MAFK: variants seen among roughly 807,000 people sequenced by gnomAD.
The protein encoded by MAFK is MAF bZIP transcription factor K, also known as transcription factor MafK.
A neutral mutation model predicts 9.2 loss-of-function variants in MAFK; 1 was observed. The ratio of observed to expected loss-of-function variants is 0.11; its 90% CI spans 0.04 to 0.52. The LOEUF is 0.52. Ranked by LOEUF, MAFK falls within the 20% of genes least tolerant of loss-of-function variation. The probability of loss-of-function intolerance (pLI) is 0.94; values close to 1 mark genes in which losing one functional copy is unlikely to be tolerated. For missense variants in MAFK, 207 were observed against 236.0 expected, an observed-to-expected ratio of 0.88 and a Z score of 0.81; for synonymous variants, 110 against 107.4, an observed-to-expected ratio of 1.02 and a Z score of -0.15.
At position 1,534,247 on chromosome 7, in the gene MAFK, G is replaced by C. The variant is rs1402849767; in HGVS notation, c.-45+3349G>C. 1 of 455,738 alleles carries C rather than the reference G, an allele frequency of 2.2e-6. No homozygotes were observed. The highest frequency in any genetic ancestry group is 2.3e-5 in the Admixed American group (1 of 42,556). 28.2% of individuals were successfully genotyped at this position (455,738 alleles called of 1,614,324 possible). A position where few individuals can be genotyped will look rare whatever the true frequency, so the allele number is the denominator to read the frequency against. ...GCAGTGTAGGACCTCATCCTCAGTA[G>C]GAAGGGTGTCTGGCTGGTCTCTGGG... On this transcript the variant is annotated intron_variant, in intron 1 of 2. Coordinates refer to ENST00000343242, the MANE Select transcript of MAFK (RefSeq NM_002360.4). This position sits in a 1 kb window ranked among gnomAD's most constrained non-coding sequence, Gnocchi z 4.3.
At chr7:1,535,635 G>A (rs1282741254) in intron 1 of MAFK, among the ~76,000 whole-genome samples, 1 of 152,254 alleles carries the variant, frequency 6.6e-6, no homozygotes, top group Non-Finnish European at 1.5e-5. Flanking sequence ...GGGTGACAGA[G>A]TGACACCTTG....
chr7:1,542,834 T>A lies in MAFK; in HGVS notation c.*2459T>A, dbSNP rs1784230289. On this transcript the variant is annotated 3_prime_UTR_variant, in exon 3 of 3. Transcript: ENST00000343242. ...GCCGCCACACCGCCTCACCCTGGCT[T>A]CTGTGCTACTTGGCAGTTCCATTTC... 6.6e-6 allele frequency: 1 copy of A among 152,658 alleles called. No individual in the cohort carries two copies. The highest frequency in any genetic ancestry group is 6.5e-5 in the Admixed American group (1 of 15,286). The allele number at this position is 152,658 out of a possible 1,614,324, so 9.5% of individuals were successfully genotyped here.
rs1157211761 is a variant in MAFK at position 1,540,267 on chromosome 7, G to A, written c.363G>A (p.Val121=). ...YEALQTFART[V]ARGPVAPSKV... is the part of the protein sequence containing the mutation. ...CGCTGCAGACCTTCGCGCGCACCGT[G>A]GCCCGGGGACCTGTGGCGCCCTCCA... Residue 121 remains valine (V), a synonymous_variant, in exon 3 of 3, where the codon GTG becomes GTA. Transcript: ENST00000343242. 6.2e-7 allele frequency: 1 copy of A among 1,611,302 alleles called. No individual in the cohort carries two copies.
intron 1 of MAFK, among the ~76,000 whole-genome samples, chr7:1,531,392 C>T (rs749084597): frequency 2.0e-5 from 3 of 152,270 alleles, no homozygotes; most frequent in South Asian, 2.1e-4. Context: ...CTCCCGGTGA[C>T]GGGCGGCGCT....
intron 2 of MAFK, among the ~76,000 whole-genome samples, chr7:1,539,682 G>A (rs1056905394): frequency 1.3e-5 from 2 of 152,220 alleles, no homozygotes; most frequent in Admixed American, 6.5e-5. Context: ...GGTCCTCATG[G>A]GCTCTGAGGC....
In MAFK at chr7:1,537,249, G is replaced by T. The variant is rs907531783; in HGVS notation, c.-44-1900G>T. 6 of 384,240 alleles carry T rather than the reference G, an allele frequency of 1.6e-5. No individual in the cohort carries two copies. The South Asian group carries it at 3.2e-4, about 20-fold the overall frequency. The allele number at this position is 384,240 out of a possible 1,614,324, so 23.8% of individuals were successfully genotyped here. On this transcript the variant is annotated intron_variant, in intron 1 of 2. Transcript: ENST00000343242. ...CCTGTCCCCCGGACCTTCCTTTTCCGCCCGGCTGTGCTGCCACGGCGGGCA... is the reference window on the plus strand; with the variant it reads ...CCTGTCCCCCGGACCTTCCTTTTCCTCCCGGCTGTGCTGCCACGGCGGGCA...
chr7:1,539,015 G>T lies in MAFK; in HGVS notation c.-44-134G>T, dbSNP rs1784107974. On this transcript the variant is annotated intron_variant, in intron 1 of 2. Coordinates refer to ENST00000343242, the MANE Select transcript of MAFK (RefSeq NM_002360.4). ...TCAGGACGGGCTGGGCCCGGATGGT[G>T]CCCCGTCTTGTTTTCATGGTGCTGT... is the stretch of plus-strand genomic sequence containing the variant. 6.2e-5 allele frequency: 44 copies of T among 707,692 alleles called. 1 individual carries two copies. The South Asian group carries it at 7.3e-4, about 12-fold the overall frequency. The allele number at this position is 707,692 out of a possible 1,614,324, so 43.8% of individuals were successfully genotyped here.
Position 1,530,847 on chromosome 7 carries a change from GCGCGTGCCCGCGAGGAGCCGC to G in MAFK, c.-91_-71del, listed in dbSNP as rs1312679319. 1 of 147,140 alleles carries G rather than the reference GCGCGTGCCCGCGAGGAGCCGC, an allele frequency of 6.8e-6. No individual in the cohort carries two copies. Among genetic ancestry groups the G allele is most frequent in the African/African-American group, 2.5e-5 (1 of 40,742 alleles). 9.1% of individuals were successfully genotyped at this position (147,140 alleles called of 1,614,324 possible). A position where few individuals can be genotyped will look rare whatever the true frequency, so the allele number is the denominator to read the frequency against. ...GACAGTGAGCGCCGGCGCGAGGACA[GCGCGTGCCCGCGAGGAGCCGC>G]CGCGCGCCCGCGCCCTCCGCGCGAC... On this transcript the variant is annotated 5_prime_UTR_variant, in exon 1 of 3. Coordinates refer to ENST00000343242, the MANE Select transcript of MAFK (RefSeq NM_002360.4).
chr7:1,531,929 C>T (rs1783917072), intron 1 of MAFK, among the ~76,000 whole-genome samples: 1 of 152,248 alleles, frequency 6.6e-6, no homozygotes, highest in African/African-American at 2.4e-5. Context: ...TCTTAAGTAG[C>T]TCTTGTAGCT....
chr7:1,536,164 A>G (rs899692876), intron 1 of MAFK, among the ~76,000 whole-genome samples: 9 of 152,042 alleles, frequency 5.9e-5, no homozygotes, highest in African/African-American at 2.2e-4. Flanking sequence ...ACCCTTACTT[A>G]CGTCGGCTGC....
chr7:1,540,410 C>CA lies in MAFK; in HGVS notation c.*35_*36insA, dbSNP rs1400297614. 7.5e-4 allele frequency: 139 copies of CA among 185,140 alleles called. No individual in the cohort carries two copies. The highest frequency in any genetic ancestry group is 3.8e-3 in the Middle Eastern group (2 of 524). The allele number at this position is 185,140 out of a possible 1,614,324, so 11.5% of individuals were successfully genotyped here. ...GGGGCGGGGGGTGGCGGGCGGCGGGCGGCGGGCAGGCGGGTGGGGGCACAC... is the reference window on the plus strand; with the variant it reads ...GGGGCGGGGGGTGGCGGGCGGCGGGCAGGCGGGCAGGCGGGTGGGGGCACAC... On this transcript the variant is annotated 3_prime_UTR_variant, in exon 3 of 3. Coordinates refer to ENST00000343242, the MANE Select transcript of MAFK (RefSeq NM_002360.4).
In MAFK at chr7:1,539,179, A is replaced by C. The variant is rs766044247; in HGVS notation, c.-14A>C. On this transcript the variant is annotated 5_prime_UTR_variant, in exon 2 of 3. Coordinates refer to ENST00000343242, the MANE Select transcript of MAFK (RefSeq NM_002360.4). The stretch of plus-strand genomic sequence containing the variant: ...AGTTCCAGGGAGCTCTGTCCTGGTG[A>C]CCGTGCCCGGGTTATGACGACTAAT... 6.2e-7 allele frequency: 1 copy of C among 1,612,912 alleles called. No homozygotes were observed. Among genetic ancestry groups the C allele is most frequent in the South Asian group, 1.1e-5 (1 of 90,988 alleles).
Position 1,536,823 on chromosome 7 carries a change from C to T in MAFK, c.-44-2326C>T, listed in dbSNP as rs11978037. Among the ~76,000 whole-genome samples, 97 of 152,330 alleles carry T rather than the reference C, an allele frequency of 6.4e-4. 1 individual carries two copies. The highest frequency in any genetic ancestry group is 2.3e-3 in the African/African-American group (94 of 41,584). On this transcript the variant is annotated intron_variant, in intron 1 of 2. Transcript: ENST00000343242. ...GCTTTGCTGCTTGGCTGGGCCGTCC[C>T]GCTGCGTCGTCTCTCCAGGCGCGTG...
chr7:1,531,329 C>A (rs1367372422), intron 1 of MAFK, among the ~76,000 whole-genome samples: 1 of 151,908 alleles, frequency 6.6e-6, no homozygotes, highest in African/African-American at 2.4e-5. Context: ...TTCTCCGCGG[C>A]TTCCGCCCCA....
At chr7:1,539,086 C>A in intron 1 of MAFK, 63 bp from the exon 2 acceptor site, 1 of 1,301,996 alleles carries the variant, frequency 7.7e-7, no homozygotes, top group Non-Finnish European at 1.1e-6. Context: ...GGGAGGTGGG[C>A]ACCCTGTCCG....
At chr7:1,535,869 C>A (rs1366540226) in intron 1 of MAFK, among the ~76,000 whole-genome samples, 1 of 152,226 alleles carries the variant, frequency 6.6e-6, no homozygotes. Flanking sequence ...AGTCTGGATC[C>A]TGGAAAGGGG....
At chr7:1,535,789 C>G (rs968004611) in intron 1 of MAFK, among the ~76,000 whole-genome samples, 4 of 152,202 alleles carry the variant, frequency 2.6e-5, no homozygotes, top group Admixed American at 6.5e-5. Flanking sequence ...GGGCTCTGAT[C>G]CTCACCCTCT....
intron 1 of MAFK, among the ~76,000 whole-genome samples, chr7:1,531,357 G>T (rs907360130): frequency 6.6e-6 from 1 of 152,040 alleles, no homozygotes; most frequent in Non-Finnish European, 1.5e-5. Flanking sequence ...TTCCGCGTGC[G>T]GCCCCGGACT....
chr7:1,539,012 G>A, intron 1 of MAFK, 137 bp from the exon 2 acceptor site: 2 of 695,512 alleles, frequency 2.9e-6, no homozygotes, highest in South Asian at 3.4e-5. Flanking sequence ...GGGCCCGGAT[G>A]GTGCCCCGTC....
Sources: gnomAD v4.1 joint callset for allele counts (sites outside exome capture counted in the v4.1 genomes callset) on GRCh38, gnomAD v4.1.1 for gene constraint, Gnocchi (gnomAD v3.1) non-coding constraint, MANE v1.5 for transcripts, NCBI Gene and HGNC (gene_info 2026-07-23, HGNC 2026-07-21) for gene names.